The following RFX3 variants were observed in gnomAD, a reference collection of about 807,000 sequenced individuals.
RFX3 encodes the protein regulatory factor X3, also known as transcription factor RFX3.
RFX3 carries 14 observed loss-of-function variants against 98.6 expected under a neutral mutation model. That is an observed-to-expected ratio of 0.14 (90% confidence interval 0.09 to 0.22). The LOEUF is 0.22. Ranked by LOEUF, RFX3 falls within the 10% of genes least tolerant of loss-of-function variation. The pLI, the probability that RFX3 is intolerant of heterozygous loss-of-function variation, is 1.00. For synonymous variants in RFX3, 383 were observed against 328.4 expected (o/e 1.17, Z -1.80); for missense variants, 639 against 926.9 (o/e 0.69, Z 4.03).
chr9:3,324,220 AAATT>A (rs1335775976), intron 4 of RFX3: 1 of 206,844 alleles, frequency 4.8e-6, no homozygotes, highest in African/African-American at 2.3e-5. Flanking sequence ...AAAACTTAGT[AAATT>A]ATTTTAAATA....
chr9:3,356,449 C>T (rs1242028968), intron 2 of RFX3, among the ~76,000 whole-genome samples: 1 of 151,700 alleles, frequency 6.6e-6, no homozygotes. Context: ...AAACTGGCCC[C>T]AAAACACCCA....
chr9:3,468,017 T>C (rs1314948531), intron 1 of RFX3, among the ~76,000 whole-genome samples: 2 of 152,162 alleles, frequency 1.3e-5, no homozygotes, highest in Non-Finnish European at 2.9e-5. Context: ...GATGATCGCA[T>C]TTAACCACTG....
At chr9:3,338,570 C>G (rs1043028029) in intron 3 of RFX3, among the ~76,000 whole-genome samples, 5 of 152,124 alleles carry the variant, frequency 3.3e-5, no homozygotes, top group African/African-American at 1.2e-4. Context: ...TAATGTGCAT[C>G]AGAATCACCC....
intron 1 of RFX3, among the ~76,000 whole-genome samples, chr9:3,423,624 T>G (rs1843647101): frequency 6.6e-6 from 1 of 151,812 alleles, no homozygotes. Context: ...AGATCAGTGT[T>G]TGCCTGGGGC....
intron 1 of RFX3, among the ~76,000 whole-genome samples, chr9:3,522,343 C>G (rs972294550): frequency 1.3e-5 from 2 of 152,066 alleles, no homozygotes; most frequent in African/African-American, 4.8e-5. Context: ...GAGTTAAAGG[C>G]AAATTACTCA....
At chr9:3,407,477 A>G (rs1226807426) in intron 1 of RFX3, among the ~76,000 whole-genome samples, 1 of 152,164 alleles carries the variant, frequency 6.6e-6, no homozygotes, top group East Asian at 1.9e-4. Context: ...CCAAGGTCAT[A>G]TAACTTCATA....
At chr9:3,326,959 A>G (rs1831994235) in intron 4 of RFX3, among the ~76,000 whole-genome samples, 1 of 152,156 alleles carries the variant, frequency 6.6e-6, no homozygotes. Context: ...AGTATATGCT[A>G]CTATTGCACA....
intron 1 of RFX3, among the ~76,000 whole-genome samples, chr9:3,429,361 T>G (rs963215210): frequency 2.9e-4 from 44 of 150,174 alleles, no homozygotes; most frequent in African/African-American, 1.0e-3. Flanking sequence ...AAATTTAGGT[T>G]AAAGAAAATG....
chr9:3,238,753 C>T (rs955446247), intron 15 of RFX3, among the ~76,000 whole-genome samples: 5 of 152,190 alleles, frequency 3.3e-5, no homozygotes, highest in Non-Finnish European at 2.9e-5. Context: ...GTGATCAGTC[C>T]GAGGCAGGCG....
chr9:3,479,280 G>A (rs1849536918), intron 1 of RFX3, among the ~76,000 whole-genome samples: 1 of 151,998 alleles, frequency 6.6e-6, no homozygotes, highest in East Asian at 1.9e-4. Flanking sequence ...TTGTTGTATA[G>A]GCAGCACAAA....
chr9:3,502,829 T>C (rs1028603822), intron 1 of RFX3, among the ~76,000 whole-genome samples: 28 of 151,926 alleles, frequency 1.8e-4, no homozygotes, highest in African/African-American at 6.8e-4. Flanking sequence ...TAAAAAGCAA[T>C]GGGAATAATA....
intron 2 of RFX3, among the ~76,000 whole-genome samples, chr9:3,365,295 C>CAAAAAAAAAAAAAA (rs1177381806): frequency 1.6e-5 from 1 of 62,498 alleles, no homozygotes; most frequent in Non-Finnish European, 3.9e-5. Flanking sequence ...AGACTCATCT[C>CAAAAAAAAAAAAAA]AAAAAAAAAA....
chr9:3,476,106 A>G (rs1468824337), intron 1 of RFX3, among the ~76,000 whole-genome samples: 2 of 151,836 alleles, frequency 1.3e-5, no homozygotes, highest in Non-Finnish European at 2.9e-5. Flanking sequence ...ATGATTATAG[A>G]GCGAGTATTA....
At chr9:3,266,121 T>C (rs1302902089) in intron 12 of RFX3, 87 bp downstream of exon 12, 3 of 709,350 alleles carry the variant, frequency 4.2e-6, no homozygotes, top group Non-Finnish European at 7.0e-6. Flanking sequence ...ACATTTTACA[T>C]AATACCATTT....
chr9:3,399,016 C>T (rs948400312), intron 1 of RFX3, among the ~76,000 whole-genome samples: 6 of 149,740 alleles, frequency 4.0e-5, no homozygotes, highest in African/African-American at 1.5e-4. Context: ...AGATAAAAGG[C>T]ATAGATTTGG....
chr9:3,288,391 C>T lies in RFX3; in HGVS notation c.732-141G>A. The T allele has an allele frequency of 1.1e-5, 7 of 648,970 alleles. No individual in the cohort carries two copies. The South Asian group carries it at 1.4e-4, about 13-fold the overall frequency. 40.2% of individuals were successfully genotyped at this position (648,970 alleles called of 1,614,324 possible). A position where few individuals can be genotyped will look rare whatever the true frequency, so the allele number is the denominator to read the frequency against. ...GTTACATATTTATGATTAACCTGTT[C>T]TGAATACTTTTATGTTTTTATGGTG... On this transcript the variant is annotated intron_variant, in intron 6 of 16. Transcript: ENST00000617270.
At chr9:3,321,790 G>C (rs1831352219) in intron 4 of RFX3, among the ~76,000 whole-genome samples, 1 of 151,920 alleles carries the variant, frequency 6.6e-6, no homozygotes, top group African/African-American at 2.4e-5. Context: ...TTCTATCCAA[G>C]TGAAATTAAT....
At chr9:3,292,943 G>A (rs1827575527) in intron 6 of RFX3, 134 bp downstream of exon 6, 2 of 630,674 alleles carry the variant, frequency 3.2e-6, no homozygotes, top group Non-Finnish European at 5.2e-6. Context: ...TCCTGGGGAT[G>A]TTATAAACTG....
intron 1 of RFX3, among the ~76,000 whole-genome samples, chr9:3,514,355 A>T (rs1817937190): frequency 6.6e-6 from 1 of 152,222 alleles, no homozygotes; most frequent in African/African-American, 2.4e-5. Flanking sequence ...CTACATACAC[A>T]TACACAAAAC....
Sources: allele counts gnomAD v4.1 joint callset (sites outside exome capture counted in the v4.1 genomes callset), GRCh38; gene constraint gnomAD v4.1.1; transcripts MANE v1.5; gene names NCBI Gene and HGNC (gene_info 2026-07-23, HGNC 2026-07-21).